ALKBH5: variants seen among roughly 807,000 people sequenced by gnomAD.
ALKBH5 encodes RNA demethylase ALKBH5.
ALKBH5 carries 2 observed loss-of-function variants against 32.1 expected under a neutral mutation model. That is an observed-to-expected ratio of 0.06 (90% CI 0.03 to 0.20). The LOEUF is 0.20. Ranked by LOEUF, ALKBH5 falls within the 10% of genes least tolerant of loss-of-function variation. The pLI is 1.00. For missense variants in ALKBH5, 352 were observed against 559.5 expected, an observed-to-expected ratio of 0.63 and a Z score of 3.74; for synonymous variants, 300 against 231.7, an observed-to-expected ratio of 1.29 and a Z score of -2.68.
rs910242709 is a variant in ALKBH5 at position 18,183,875 on chromosome 17, C to G, written c.-369C>G. ...GCTGGCGGACGTCGGGCTGGCTGCC[C>G]GTGACGTCGTGCGGAGAGCTTTAAA... On this transcript the variant is annotated 5_prime_UTR_variant, in exon 1 of 4. Coordinates refer to ENST00000399138, the MANE Select transcript of ALKBH5 (RefSeq NM_017758.4). 2.4e-5 allele frequency: 9 copies of G among 377,098 alleles called. No individual in the cohort carries two copies. In the East Asian group the frequency reaches 8.2e-4, roughly 34 times the overall value. 23.4% of individuals were successfully genotyped at this position (377,098 alleles called of 1,614,324 possible).
intron 1 of ALKBH5, among the ~76,000 whole-genome samples, chr17:18,191,179 T>C (rs1029204318): frequency 6.6e-6 from 1 of 152,260 alleles, no homozygotes; most frequent in Non-Finnish European, 1.5e-5. Flanking sequence ...AATAATACCC[T>C]GTGGTCTCTG....
intron 3 of ALKBH5, 147 bp from the exon 4 acceptor site, chr17:18,208,072 C>T (rs2047280436): frequency 6.2e-6 from 5 of 810,446 alleles, no homozygotes; most frequent in South Asian, 4.1e-5. Context: ...CAAGAACCTC[C>T]GATACCAGGG....
In ALKBH5 at chr17:18,208,265, C is replaced by A; in HGVS notation, c.1054C>A (p.Leu352Met). 1 of 1,614,062 alleles carries A rather than the reference C, an allele frequency of 6.2e-7. No homozygotes were observed. Among genetic ancestry groups the A allele is most frequent in the Non-Finnish European group, 8.5e-7 (1 of 1,179,948 alleles). ...CAAGGAAGAGAACCGGCGCTCGGTG[C>A]TGCTGCCCACACACCGGCGGAGGGG... ...MDKEENRRSV[L>M]LPTHRRRGSF... is the part of the protein sequence containing the mutation. Residue 352 changes from leucine to methionine, a missense_variant, in exon 4 of 4, where the codon CTG becomes ATG. Leu to Met is a conservative substitution (Grantham distance 15, BLOSUM62 2). Transcript: ENST00000399138.
chr17:18,201,781 AGATAGGATAGATAAGATAGATAGATAGAT>A (rs2047238671), intron 2 of ALKBH5, among the ~76,000 whole-genome samples: 1 of 106,046 alleles, frequency 9.4e-6, no homozygotes, highest in Non-Finnish European at 2.1e-5. Flanking sequence ...ATAGATAGAT[AGATAGGATAGATAAGATAGATAGATAGAT>A]AGATAGATAG....
chr17:18,208,202 C>T lies in ALKBH5; in HGVS notation c.1008-17C>T. ...TGCCAGCCTCTCAGATAACGTCCTA[C>T]CTCCCTTTCCTTGCAGGCCACGGAT... On this transcript the variant is annotated splice_polypyrimidine_tract_variant and intron_variant, in intron 3 of 3. Transcript: ENST00000399138. 6.3e-7 allele frequency: 1 copy of T among 1,594,960 alleles called. No individual in the cohort carries two copies.
chr17:18,189,072 A>T (rs537925135), intron 1 of ALKBH5, among the ~76,000 whole-genome samples: 45 of 151,544 alleles, frequency 3.0e-4, no homozygotes, highest in African/African-American at 1.0e-3. Context: ...GTCTCAAAAA[A>T]AATAATAAAA....
chr17:18,193,471 C>T (rs191966358), intron 1 of ALKBH5, among the ~76,000 whole-genome samples: 6 of 151,716 alleles, frequency 4.0e-5, no homozygotes, highest in African/African-American at 9.7e-5. Flanking sequence ...CGCTTGAACC[C>T]GGTAGGCAGA....
At chr17:18,187,470 T>C (rs1387318218) in intron 1 of ALKBH5, among the ~76,000 whole-genome samples, 1 of 152,190 alleles carries the variant, frequency 6.6e-6, no homozygotes, top group East Asian at 1.9e-4. Flanking sequence ...TCGTGCATTG[T>C]AGACTGTTCA....
intron 2 of ALKBH5, among the ~76,000 whole-genome samples, chr17:18,201,834 T>C (rs2047242130): frequency 8.2e-6 from 1 of 122,166 alleles, no homozygotes; most frequent in Non-Finnish European, 1.9e-5. Context: ...GATAGATAGA[T>C]AGATGATAGA....
intron 2 of ALKBH5, among the ~76,000 whole-genome samples, chr17:18,201,838 T>TA (rs200558725): frequency 0.034 from 3,527 of 104,594 alleles, 62 homozygotes; most frequent in Non-Finnish European, 0.043. Context: ...GATAGATAGA[T>TA]GATAGATAGA....
intron 3 of ALKBH5, among the ~76,000 whole-genome samples, chr17:18,207,572 AGAATGGCGT>A (rs1219540191): frequency 6.6e-6 from 1 of 152,030 alleles, no homozygotes; most frequent in Admixed American, 6.6e-5. Context: ...CTGAGGCAGG[AGAATGGCGT>A]GAACCTGGGA....
chr17:18,189,493 C>G (rs757588902), intron 1 of ALKBH5, among the ~76,000 whole-genome samples: 1 of 152,250 alleles, frequency 6.6e-6, no homozygotes, highest in African/African-American at 2.4e-5. Flanking sequence ...CTCTGCAAAT[C>G]TCTTTCATGG....
rs900232835 is a variant in ALKBH5 at position 18,184,366 on chromosome 17, A to T, written c.123A>T (p.Ala41=). Reference sequence around the variant, plus strand: ...CTGCCGCAGCCGCCGTAGCCGCCGCAGCCGCAGCCGCCGCTGCCGCCGAAC... The same window carrying T: ...CTGCCGCAGCCGCCGTAGCCGCCGCTGCCGCAGCCGCCGCTGCCGCCGAAC... ...AAAAAAAVAA[A]AAAAAAAEPY... Residue 41 remains alanine (A), a synonymous_variant, in exon 1 of 4, where the codon GCA becomes GCT. Coordinates refer to ENST00000399138, the MANE Select transcript of ALKBH5 (RefSeq NM_017758.4). The T allele has an allele frequency of 3.3e-6, 5 of 1,516,098 alleles. No individual in the cohort carries two copies. The highest frequency in any genetic ancestry group is 2.3e-5 in the Admixed American group (1 of 43,496). 93.9% of individuals were successfully genotyped at this position (1,516,098 alleles called of 1,614,324 possible). A position where few individuals can be genotyped will look rare whatever the true frequency, so the allele number is the denominator to read the frequency against.
intron 2 of ALKBH5, among the ~76,000 whole-genome samples, chr17:18,199,211 A>G (rs1186194562): frequency 1.3e-5 from 2 of 152,148 alleles, no homozygotes; most frequent in Admixed American, 6.5e-5. Context: ...AGCACCCCCA[A>G]ACTTCCCTGA....
At chr17:18,206,566 G>A (rs981896129) in intron 2 of ALKBH5, 4 of 424,178 alleles carry the variant, frequency 9.4e-6, no homozygotes, top group African/African-American at 8.1e-5. Flanking sequence ...GGGTAGCACA[G>A]CCTGTCATTG....
rs1458479719 is a variant in ALKBH5, at chr17:18,183,865, G to A, written c.-379G>A. 2 of 354,498 alleles carry A rather than the reference G, an allele frequency of 5.6e-6. No homozygotes were observed. Among genetic ancestry groups the A allele is most frequent in the South Asian group, 2.1e-5 (1 of 46,962 alleles). The allele number at this position is 354,498 out of a possible 1,614,324, so 22.0% of individuals were successfully genotyped here. ...AAGGAGCGGCGCTGGCGGACGTCGG[G>A]CTGGCTGCCCGTGACGTCGTGCGGA... On this transcript the variant is annotated 5_prime_UTR_variant, in exon 1 of 4. Coordinates refer to ENST00000399138, the MANE Select transcript of ALKBH5 (RefSeq NM_017758.4).
chr17:18,206,558 G>A (rs2047269925), intron 2 of ALKBH5: 1 of 406,740 alleles, frequency 2.5e-6, no homozygotes, highest in African/African-American at 2.0e-5. Context: ...TGCCCCTAGG[G>A]TAGCACAGCC....
In ALKBH5 at chr17:18,184,333, CGCCGCCGCT is replaced by C. The variant is rs761566390; in HGVS notation, c.96_104del (p.Ala35_Ala37del). 1.3e-4 allele frequency: 196 copies of C among 1,511,580 alleles called. 5 individuals are homozygous for C. The highest frequency in any genetic ancestry group is 7.9e-4 in the Admixed American group (34 of 42,980). 93.6% of individuals were successfully genotyped at this position (1,511,580 alleles called of 1,614,324 possible). ...ACTATAAGGCGGGCAGCCGGGAGGC[CGCCGCCGCT>C]GCCGCAGCCGCCGTAGCCGCCGCAG... On this transcript the variant is annotated inframe_deletion, in exon 1 of 4. Coordinates refer to ENST00000399138, the MANE Select transcript of ALKBH5 (RefSeq NM_017758.4).
At chr17:18,185,060 C>G in intron 1 of ALKBH5, 47 bp downstream of exon 1, 1 of 1,572,954 alleles carries the variant, frequency 6.4e-7, no homozygotes, top group Non-Finnish European at 8.6e-7. Context: ...GCTGCCTTAG[C>G]TACCCACCCT....
Sources: allele counts gnomAD v4.1 joint callset (sites outside exome capture counted in the v4.1 genomes callset), GRCh38; gene constraint gnomAD v4.1.1; transcripts MANE v1.5; gene names NCBI Gene and HGNC (gene_info 2026-07-23, HGNC 2026-07-21).